YBX1: variants seen among roughly 807,000 people sequenced by gnomAD.
YBX1 encodes the protein Y-box binding protein 1.
In YBX1, 3 loss-of-function variants were observed where a neutral mutation model predicts 41.4. That is an observed-to-expected ratio of 0.07 (90% CI 0.03 to 0.19). The LOEUF (loss-of-function observed/expected upper bound fraction) is 0.19. Among genes scored for constraint, YBX1 ranks in the 10% least tolerant of loss-of-function variants. The probability of loss-of-function intolerance (pLI) is 1.00; values close to 1 mark genes in which losing one functional copy is unlikely to be tolerated. For missense variants in YBX1, 274 were observed against 462.8 expected, an observed-to-expected ratio of 0.59 and a Z score of 3.74; for synonymous variants, 133 against 165.8, an observed-to-expected ratio of 0.80 and a Z score of 1.52.
At chr1:42,698,985 CAG>C (rs957701258) in intron 6 of YBX1, among the ~76,000 whole-genome samples, 5 of 152,004 alleles carry the variant, frequency 3.3e-5, no homozygotes, top group African/African-American at 7.2e-5. Flanking sequence ...AATCTTAAGA[CAG>C]AGTATAGTAC....
In YBX1 at chr1:42,702,956, C is replaced by G. The variant is rs1557537470; in HGVS notation, c.*1007C>G. ...ATCTTTTCTCTTTTTGAGACGGAGT[C>G]TTGTTCTGTCATCAGGCTGGAGTAC... On this transcript the variant is annotated 3_prime_UTR_variant, in exon 8 of 8. Coordinates refer to ENST00000321358, the MANE Select transcript of YBX1 (RefSeq NM_004559.5). Among the ~76,000 whole-genome samples the G allele has an allele frequency of 6.6e-6, 1 of 152,158 alleles. No homozygotes were observed. The highest frequency in any genetic ancestry group is 6.5e-5 in the Admixed American group (1 of 15,272).
At chr1:42,688,941 G>C (rs1189148222) in intron 2 of YBX1, among the ~76,000 whole-genome samples, 3 of 152,156 alleles carry the variant, frequency 2.0e-5, no homozygotes, top group African/African-American at 7.2e-5. Flanking sequence ...AATGTGTTAA[G>C]GATTTATGTT....
At chr1:42,683,260 G>A (rs1187811847) in intron 1 of YBX1, 143 bp from the exon 2 acceptor site, 2 of 954,960 alleles carry the variant, frequency 2.1e-6, no homozygotes, top group South Asian at 2.7e-5. Context: ...GCGACTGCGT[G>A]GCCCCGCACC....
intron 2 of YBX1, 99 bp downstream of exon 2, chr1:42,683,565 T>C: frequency 7.3e-7 from 1 of 1,379,072 alleles, no homozygotes; most frequent in Admixed American, 2.0e-5. Flanking sequence ...ACAGCTCTGT[T>C]CTGAAAGGCG....
chr1:42,699,732 C>G (rs943559082), intron 6 of YBX1, among the ~76,000 whole-genome samples: 2 of 151,904 alleles, frequency 1.3e-5, no homozygotes, highest in African/African-American at 4.8e-5. Flanking sequence ...CAGGTGTGAG[C>G]CACTGTGCCC....
intron 6 of YBX1, among the ~76,000 whole-genome samples, chr1:42,698,067 T>C (rs78661314): frequency 0.043 from 6,538 of 152,276 alleles, 226 homozygotes; most frequent in South Asian, 0.099. Context: ...ATCGCAACTT[T>C]TAAATCCCCA....
Position 42,696,077 on chromosome 1 carries a change from C to G in YBX1, c.265-122C>G, listed in dbSNP as rs1434450802. ...TTCCTAAATTTATTGATGGTTTGGT[C>G]TTATTTAAAGCAAATCTTAAGTGTA... On this transcript the variant is annotated intron_variant, in intron 3 of 7. Transcript: ENST00000321358. This position sits in a 1 kb window ranked among gnomAD's most constrained non-coding sequence, Gnocchi z 5.7. The G allele has an allele frequency of 2.5e-6, 2 of 793,814 alleles. No homozygotes were observed. Among genetic ancestry groups the G allele is most frequent in the African/African-American group, 1.8e-5 (1 of 56,258 alleles). The allele number at this position is 793,814 out of a possible 1,614,324, so 49.2% of individuals were successfully genotyped here. A position where few individuals can be genotyped will look rare whatever the true frequency, so the allele number is the denominator to read the frequency against.
chr1:42,697,249 C>A lies in YBX1; in HGVS notation c.727C>A (p.Pro243Thr). The change falls in exon 6 of 8, where the codon CCA becomes ACA. Residue 243 changes from proline (P) to threonine (T), a missense_variant. Physicochemically the swap from Pro to Thr is conservative, Grantham distance 38 (BLOSUM62 -1). Transcript: ENST00000321358. ...GCAGAATATGTATCGGGGATATAGA[C>A]CACGATTCCGCAGGTATGGTCCACG... Reference protein sequence around the residue: ...VRQNMYRGYRPRFRRGPPRQR... With the variant: ...VRQNMYRGYRTRFRRGPPRQR... The A allele has an allele frequency of 6.2e-7, 1 of 1,613,802 alleles. No individual in the cohort carries two copies. The highest frequency in any genetic ancestry group is 8.5e-7 in the Non-Finnish European group (1 of 1,179,886).
chr1:42,691,268 T>C (rs1415108272), intron 2 of YBX1, among the ~76,000 whole-genome samples: 1 of 152,252 alleles, frequency 6.6e-6, no homozygotes. Flanking sequence ...GTCAGTGAAC[T>C]GTGTTAGTTT....
At chr1:42,683,489 C>T (rs748086404) in intron 2 of YBX1, 23 bp downstream of exon 2, 21 of 1,612,310 alleles carry the variant, frequency 1.3e-5, no homozygotes, top group Non-Finnish European at 1.6e-5. Context: ...GCTCTGAAGC[C>T]TCCATCCCAC....
chr1:42,684,064 CCTT>C (rs1386973260), intron 2 of YBX1, among the ~76,000 whole-genome samples: 18 of 151,872 alleles, frequency 1.2e-4, no homozygotes, highest in Admixed American at 4.6e-4. Flanking sequence ...GGTTTTTTTT[CCTT>C]CTTCCGTTCT....
intron 1 of YBX1, 163 bp downstream of exon 1, chr1:42,682,894 C>T (rs1050692467): frequency 3.3e-5 from 9 of 270,454 alleles, no homozygotes; most frequent in Non-Finnish European, 5.7e-5. Context: ...CTCGCGGGGA[C>T]CCGCCCGGCA....
chr1:42,685,485 G>A (rs937192499), intron 2 of YBX1, among the ~76,000 whole-genome samples: 1 of 152,194 alleles, frequency 6.6e-6, no homozygotes. Context: ...GGGAAGATTT[G>A]CTTTAATTAA....
At chr1:42,701,659 T>G (rs529750946) in intron 7 of YBX1, among the ~76,000 whole-genome samples, 9 of 152,342 alleles carry the variant, frequency 5.9e-5, no homozygotes. Context: ...ATAATAATTC[T>G]CTGGCAGACC....
intron 2 of YBX1, among the ~76,000 whole-genome samples, chr1:42,687,064 T>C (rs565464523): frequency 3.9e-5 from 6 of 152,324 alleles, no homozygotes; most frequent in African/African-American, 1.4e-4. Flanking sequence ...ACTTGCTAGG[T>C]CCTGGATTTG....
chr1:42,688,235 A>T (rs1435299613), intron 2 of YBX1, among the ~76,000 whole-genome samples: 1 of 152,024 alleles, frequency 6.6e-6, no homozygotes, highest in African/African-American at 2.4e-5. Flanking sequence ...TTACACACAG[A>T]TTTTTTTTGA....
intron 1 of YBX1, 35 bp downstream of exon 1, chr1:42,682,766 G>A: frequency 2.5e-6 from 3 of 1,186,150 alleles, no homozygotes; most frequent in Non-Finnish European, 3.1e-6. Context: ...TGGGGCCCTC[G>A]GGCAGCCCAG....
rs775429658 is a variant in YBX1, at chr1:42,696,844, G to A, written c.557G>A (p.Arg186Gln). The change falls in exon 5 of 8, where the codon CGG (arginine) becomes CAG (glutamine). Residue 186 changes from arginine (R) to glutamine (Q), a missense_variant. Arg to Gln is a conservative substitution (Grantham distance 43). This residue lies in a region of YBX1 where 187 missense variants were observed against 306.3 expected (regional missense o/e 0.61). Transcript: ENST00000321358. This position sits in a 1 kb window ranked among gnomAD's most constrained non-coding sequence, Gnocchi z 5.7. The part of the protein sequence containing the change: ...SAPEGQAQQR[R>Q]PYRRRRFPPY... ...CCCGAAGGCCAGGCCCAACAACGCC[G>A]GCCCTACCGCAGGCGAAGGTTCCCA... is the stretch of plus-strand genomic sequence containing the variant. The A allele has an allele frequency of 3.7e-6, 6 of 1,611,748 alleles. No individual in the cohort carries two copies. The highest frequency in any genetic ancestry group is 5.1e-6 in the Non-Finnish European group (6 of 1,178,666).
At position 42,696,522 on chromosome 1, in the gene YBX1, C is replaced by CGGGGTG; in HGVS notation, c.355-120_355-119insGGGGTG. On this transcript the variant is annotated intron_variant, in intron 4 of 7. Coordinates refer to ENST00000321358, the MANE Select transcript of YBX1 (RefSeq NM_004559.5). This position sits in a 1 kb window ranked among gnomAD's most constrained non-coding sequence, Gnocchi z 5.7. ...GGTCACGCAGTTGCGCCCCCCCCCC[C>CGGGGTG]TTTTTTTTCCTTAACTTTGTTGTTT... 4 of 637,560 alleles carry CGGGGTG rather than the reference C, an allele frequency of 6.3e-6. No individual in the cohort carries two copies. The highest frequency in any genetic ancestry group is 3.8e-5 in the East Asian group (1 of 26,248). The allele number at this position is 637,560 out of a possible 1,614,324, so 39.5% of individuals were successfully genotyped here.
Sources: allele counts gnomAD v4.1 joint callset (sites outside exome capture counted in the v4.1 genomes callset), GRCh38; gene constraint gnomAD v4.1.1; regional missense constraint gnomAD v4.1.1; non-coding constraint Gnocchi (gnomAD v3.1); transcripts MANE v1.5; gene names NCBI Gene and HGNC (gene_info 2026-07-23, HGNC 2026-07-21).